The following MAST4 variants were observed in gnomAD, a reference collection of about 807,000 sequenced individuals.
MAST4 encodes microtubule associated serine/threonine kinase family member 4.
Under a neutral mutation model 162.7 loss-of-function variants are expected in MAST4, and 89 were observed. The observed-to-expected ratio is 0.55, with a 90% CI of 0.46 to 0.65. MAST4 has a LOEUF of 0.65. MAST4 is among the 30% of genes least tolerant of loss of function. MAST4 has a pLI of 0.00. For missense variants in MAST4, 3,153 were observed against 3,374.0 expected (o/e 0.93, Z 1.62); for synonymous variants, 1,479 against 1,361.1 (o/e 1.09, Z -1.91).
At chr5:67,044,841 A>G (rs1389849119) in intron 4 of MAST4, among the ~76,000 whole-genome samples, 1 of 152,094 alleles carries the variant, frequency 6.6e-6, no homozygotes, top group Non-Finnish European at 1.5e-5. Flanking sequence ...GACTTCGATC[A>G]TTGTGTCTTG....
chr5:66,687,297 G>A (rs1396352430), intron 1 of MAST4, among the ~76,000 whole-genome samples: 1 of 151,982 alleles, frequency 6.6e-6, no homozygotes, highest in Non-Finnish European at 1.5e-5. Context: ...CATACCGATT[G>A]TTTAGCTCCC....
intron 4 of MAST4, among the ~76,000 whole-genome samples, chr5:66,921,839 C>T (rs1008935596): frequency 2.0e-5 from 3 of 152,100 alleles, no homozygotes; most frequent in African/African-American, 7.2e-5. Flanking sequence ...ATACAAATGG[C>T]CAAGATAAAA....
intron 1 of MAST4, among the ~76,000 whole-genome samples, chr5:66,629,650 C>CT (rs750548686): frequency 1.4e-4 from 21 of 152,156 alleles, no homozygotes; most frequent in Non-Finnish European, 2.2e-4. Flanking sequence ...GTGGAATACT[C>CT]TGAGATATTG....
At chr5:66,970,228 C>T (rs1435920539) in intron 4 of MAST4, among the ~76,000 whole-genome samples, 2 of 152,128 alleles carry the variant, frequency 1.3e-5, no homozygotes, top group African/African-American at 4.8e-5. Flanking sequence ...CACCTGGAGG[C>T]TTCCCTTGCT....
chr5:66,607,292 A>G (rs773800943), intron 1 of MAST4, among the ~76,000 whole-genome samples: 2 of 152,216 alleles, frequency 1.3e-5, no homozygotes, highest in Non-Finnish European at 2.9e-5. Flanking sequence ...AAGCGTCTGT[A>G]GAACTTTTGT....
chr5:66,930,509 G>A (rs1218920512), intron 4 of MAST4, among the ~76,000 whole-genome samples: 1 of 152,158 alleles, frequency 6.6e-6, no homozygotes, highest in Non-Finnish European at 1.5e-5. Flanking sequence ...TGGTCCAGTG[G>A]TGTGTGTATA....
At chr5:66,899,316 C>T (rs75624390) in intron 3 of MAST4, among the ~76,000 whole-genome samples, 1,818 of 152,014 alleles carry the variant, frequency 0.012, 37 homozygotes, top group African/African-American at 0.041. Flanking sequence ...GTGAAGGCAC[C>T]CTTTTAAAAC....
chr5:67,164,320 C>G lies in MAST4; in HGVS notation c.5141C>G (p.Ser1714Cys). Residue 1714 changes from serine to cysteine, a missense_variant, in exon 29 of 29, where the codon TCC becomes TGC. Coordinates refer to ENST00000403625, the MANE Select transcript of MAST4 (RefSeq NM_001164664.2). This position sits in a 1 kb window ranked among gnomAD's most constrained non-coding sequence, Gnocchi z 5.3. ...PVLKPKMTAG[S>C]HECLPGNPVR... ...CTGAAGCCCAAGATGACAGCTGGCT[C>G]CCACGAATGCCTGCCAGGGAACCCA... 1 of 1,613,948 alleles carries G rather than the reference C, an allele frequency of 6.2e-7. No homozygotes were observed. Among genetic ancestry groups the G allele is most frequent in the Non-Finnish European group, 8.5e-7 (1 of 1,179,866 alleles).
intron 3 of MAST4, among the ~76,000 whole-genome samples, chr5:66,847,840 A>AAAAAAAAAAAAAAAC (rs1561378445): frequency 6.6e-6 from 1 of 150,972 alleles, no homozygotes; most frequent in Non-Finnish European, 1.5e-5. Flanking sequence ...AAAAAAAAAA[A>AAAAAAAAAAAAAAAC]AAAGAAAAAC....
chr5:66,740,500 G>T (rs1166399728), intron 1 of MAST4, among the ~76,000 whole-genome samples: 1 of 152,166 alleles, frequency 6.6e-6, no homozygotes, highest in Non-Finnish European at 1.5e-5. Flanking sequence ...CGGAGTGCTT[G>T]TTACATCTGT....
chr5:66,875,457 T>C (rs1344235237), intron 3 of MAST4, among the ~76,000 whole-genome samples: 1 of 152,200 alleles, frequency 6.6e-6, no homozygotes, highest in Non-Finnish European at 1.5e-5. Flanking sequence ...TTTGAGTCAA[T>C]TACTTAATCA....
intron 14 of MAST4, among the ~76,000 whole-genome samples, chr5:67,129,243 C>T (rs1768634936): frequency 2.0e-5 from 3 of 152,134 alleles, no homozygotes; most frequent in Admixed American, 2.0e-4. Flanking sequence ...GTAGCACATG[C>T]TGAGGACTGC....
At chr5:66,797,118 T>C (rs1460322074) in intron 3 of MAST4, among the ~76,000 whole-genome samples, 1 of 152,162 alleles carries the variant, frequency 6.6e-6, no homozygotes, top group African/African-American at 2.4e-5. Flanking sequence ...ACTGCTGGGG[T>C]GGCACAGCTT....
At chr5:66,763,600 T>C (rs1753949963) in intron 2 of MAST4, among the ~76,000 whole-genome samples, 3 of 152,228 alleles carry the variant, frequency 2.0e-5, no homozygotes, top group African/African-American at 7.2e-5. Context: ...TTAAAGGTCA[T>C]ATTATAAAAA....
In MAST4 at chr5:67,164,743, G is replaced by C. The variant is rs370872063; in HGVS notation, c.5564G>C (p.Ser1855Thr). Residue 1855 changes from serine to threonine, a missense_variant, in exon 29 of 29, where the codon AGT (serine) becomes ACT (threonine). By Grantham distance (58) the Ser-to-Thr change is moderately conservative. This residue lies in a region of MAST4 where 1,644 missense variants were observed against 1,495.0 expected (regional missense o/e 1.10). Coordinates refer to ENST00000403625, the MANE Select transcript of MAST4 (RefSeq NM_001164664.2). The surrounding 1 kb of genome is among the most constrained non-coding windows in gnomAD (Gnocchi z 5.3). ...AGTGGGAAAAAGAACGATACCACCA[G>C]TGCAAGAGAGCTTTCTCCTTCCAGC... The part of the protein sequence containing the change: ...SSSGKKNDTT[S>T]ARELSPSSLK... 17 of 1,613,860 alleles carry C rather than the reference G, an allele frequency of 1.1e-5. No homozygotes were observed. Among genetic ancestry groups the C allele is most frequent in the African/African-American group, 1.3e-5 (1 of 74,916 alleles).
intron 4 of MAST4, among the ~76,000 whole-genome samples, chr5:66,907,616 G>GTGTGTGTGTGTC (rs1763467680): frequency 6.6e-6 from 1 of 151,062 alleles, no homozygotes; most frequent in African/African-American, 2.4e-5. Context: ...GTGTGTGTGT[G>GTGTGTGTGTGTC]TGTGTGTGTG....
At chr5:66,835,623 A>C (rs1021401171) in intron 3 of MAST4, among the ~76,000 whole-genome samples, 3 of 152,236 alleles carry the variant, frequency 2.0e-5, no homozygotes, top group Non-Finnish European at 4.4e-5. Context: ...TGAGAATTAC[A>C]TGAACTTAAG....
intron 5 of MAST4, among the ~76,000 whole-genome samples, chr5:67,056,761 A>T (rs1431562503): frequency 6.6e-6 from 1 of 152,178 alleles, no homozygotes. Flanking sequence ...CAGAGGCACG[A>T]TCTCAGCTAA....
At chr5:67,145,088 C>T in intron 22 of MAST4, 56 bp from the exon 23 acceptor site, 1 of 1,426,332 alleles carries the variant, frequency 7.0e-7, no homozygotes, top group Non-Finnish European at 9.7e-7. Context: ...CCAAAATTCA[C>T]CTTTAACACA....
Sources: allele counts gnomAD v4.1 joint callset (sites outside exome capture counted in the v4.1 genomes callset), GRCh38; gene constraint gnomAD v4.1.1; regional missense constraint gnomAD v4.1.1; non-coding constraint Gnocchi (gnomAD v3.1); transcripts MANE v1.5; gene names NCBI Gene and HGNC (gene_info 2026-07-23, HGNC 2026-07-21).